HERC3: variants seen among roughly 807,000 people sequenced by gnomAD.
HERC3 encodes HECT and RLD domain containing E3 ubiquitin protein ligase 3, also known as probable E3 ubiquitin-protein ligase HERC3.
Under a neutral mutation model 129.9 loss-of-function variants are expected in HERC3, and 58 were observed. That is an observed-to-expected ratio of 0.45 (90% CI 0.36 to 0.56). The LOEUF (loss-of-function observed/expected upper bound fraction) is 0.56. HERC3 is among the 20% of genes least tolerant of loss of function. HERC3 has a pLI of 0.00. For synonymous variants in HERC3, 430 were observed against 451.0 expected, an observed-to-expected ratio of 0.95 and a Z score of 0.59; for missense variants, 835 against 1,244.2, an observed-to-expected ratio of 0.67 and a Z score of 4.95.
chr4:88,644,957 A>G (rs1728532896), intron 3 of HERC3, among the ~76,000 whole-genome samples: 1 of 152,056 alleles, frequency 6.6e-6, no homozygotes, highest in Admixed American at 6.6e-5. Flanking sequence ...AGGGAAAGAG[A>G]CTTAGTCATG....
intron 23 of HERC3, among the ~76,000 whole-genome samples, chr4:88,702,432 G>C (rs1191619169): frequency 2.0e-5 from 3 of 152,166 alleles, no homozygotes; most frequent in African/African-American, 7.2e-5. Context: ...TTTATAAGTA[G>C]CATTGTTTTA....
chr4:88,679,884 C>T (rs150745830), intron 19 of HERC3, among the ~76,000 whole-genome samples: 259 of 152,268 alleles, frequency 1.7e-3, no homozygotes, highest in African/African-American at 6.0e-3. Flanking sequence ...CTTGAAGCAC[C>T]TAGTAAAAAT....
the HERC3 span, among the ~76,000 whole-genome samples, chr4:88,538,789 C>T: frequency 2.6e-5 from 4 of 151,980 alleles, no homozygotes; most frequent in Non-Finnish European, 2.9e-5. Context: ...GTGATCTGCC[C>T]GCCTCGGCCT....
In HERC3 at chr4:88,680,177, C is replaced by A; in HGVS notation, c.2281C>A (p.Pro761Thr). The change falls in exon 20 of 26, where the codon CCC (proline) becomes ACC (threonine). Residue 761 changes from proline (P) to threonine (T), a missense_variant. By Grantham distance (38) the Pro-to-Thr change is conservative (BLOSUM62 -1). Coordinates refer to ENST00000402738, the MANE Select transcript of HERC3 (RefSeq NM_014606.3). ...TTTGCTGTTAAAAGAACTTTTGAAT[C>A]CCATCTATGGAATGTTTACCTACTA... Reference protein sequence around the residue: ...FLLLLKELLNPIYGMFTYYQD... With the variant: ...FLLLLKELLNTIYGMFTYYQD... The A allele has an allele frequency of 6.2e-7, 1 of 1,612,690 alleles. No homozygotes were observed. The highest frequency in any genetic ancestry group is 8.5e-7 in the Non-Finnish European group (1 of 1,179,202).
chr4:88,643,674 C>T (rs988735113), intron 3 of HERC3, among the ~76,000 whole-genome samples: 1 of 152,216 alleles, frequency 6.6e-6, no homozygotes, highest in Middle Eastern at 3.4e-3. Context: ...TAGTGGAACA[C>T]TTGGACATTC....
At chr4:88,670,794 A>G (rs1049103152) in intron 16 of HERC3, among the ~76,000 whole-genome samples, 6 of 152,138 alleles carry the variant, frequency 3.9e-5, no homozygotes, top group African/African-American at 1.4e-4. Context: ...AGATCTGGCA[A>G]CACGACCTGT....
chr4:88,635,159 A>G (rs1436639341), intron 3 of HERC3, among the ~76,000 whole-genome samples: 1 of 152,112 alleles, frequency 6.6e-6, no homozygotes, highest in Non-Finnish European at 1.5e-5. Flanking sequence ...GAGATGGATG[A>G]ATTGACAAAA....
intron 6 of HERC3, among the ~76,000 whole-genome samples, chr4:88,653,511 A>G (rs3017922): frequency 0.35 from 53,228 of 152,042 alleles, 10,608 homozygotes; most frequent in African/African-American, 0.52. Flanking sequence ...AGGTCAGAGA[A>G]GTCGTGTAGA....
intron 3 of HERC3, among the ~76,000 whole-genome samples, chr4:88,623,925 T>G (rs191167167): frequency 6.6e-6 from 1 of 152,332 alleles, no homozygotes; most frequent in Non-Finnish European, 1.5e-5. Context: ...CCCCCAAAAC[T>G]TCTCATTTCC....
chr4:88,545,430 C>CCTTTTTTTTTTTTTTTT, the HERC3 span, among the ~76,000 whole-genome samples: 106 of 110,380 alleles, frequency 9.6e-4, 5 homozygotes, highest in East Asian at 2.4e-3. Context: ...TTTGAGAATT[C>CCTTTTTTTTTTTTTTTT]TTTTTTTTTT....
In HERC3 at chr4:88,670,120, G is replaced by C. The variant is rs751215495; in HGVS notation, c.1798-19G>C. ...CTGGGAAGCCATGTTTCAGTTGTCT[G>C]TATTTTGTTCTTCATTAGGTAAATC... On this transcript the variant is annotated intron_variant, in intron 15 of 25. Transcript: ENST00000402738. 7 of 1,604,068 alleles carry C rather than the reference G, an allele frequency of 4.4e-6. No individual in the cohort carries two copies. In the East Asian group the frequency reaches 1.6e-4, roughly 36 times the overall value.
intron 14 of HERC3, among the ~76,000 whole-genome samples, chr4:88,669,320 T>G (rs1578279698): frequency 6.6e-6 from 1 of 152,212 alleles, no homozygotes; most frequent in East Asian, 1.9e-4. Context: ...TCCAACGAAG[T>G]ATAAGCCAGT....
At chr4:88,573,636 T>C in the HERC3 span, among the ~76,000 whole-genome samples, 1 of 152,210 alleles carries the variant, frequency 6.6e-6, no homozygotes, top group African/African-American at 2.4e-5. Context: ...TACAGATTCA[T>C]TGACGGTCCC....
At chr4:88,532,017 AT>A in the HERC3 span, among the ~76,000 whole-genome samples, 12 of 152,202 alleles carry the variant, frequency 7.9e-5, no homozygotes, top group Admixed American at 1.3e-4. Flanking sequence ...AGTTCTGTAT[AT>A]TAAATTCCTA....
chr4:88,691,489 C>T (rs549323856), intron 23 of HERC3, among the ~76,000 whole-genome samples: 22 of 152,326 alleles, frequency 1.4e-4, no homozygotes, highest in South Asian at 4.1e-4. Context: ...CCTTCTTCCA[C>T]GTTGCAGACT....
At chr4:88,533,831 C>T in the HERC3 span, among the ~76,000 whole-genome samples, 1 of 152,164 alleles carries the variant, frequency 6.6e-6, no homozygotes, top group East Asian at 1.9e-4. Flanking sequence ...ATAAAACTTT[C>T]TTCTTTATCG....
At chr4:88,592,881 GCCTCCCGCCCGCGCTCGGCCGC>G (rs1387541458) in intron 1 of HERC3, among the ~76,000 whole-genome samples, 4 of 152,140 alleles carry the variant, frequency 2.6e-5, no homozygotes, top group East Asian at 3.9e-4. Flanking sequence ...AAATGGGAGC[GCCTCCCGCCCGCGCTCGGCCGC>G]CCTCCCGCCC....
chr4:88,674,783 A>T (rs902919199), intron 16 of HERC3, among the ~76,000 whole-genome samples: 1 of 152,146 alleles, frequency 6.6e-6, no homozygotes, highest in Admixed American at 6.5e-5. Flanking sequence ...TATATGCAGG[A>T]TTTCATACCT....
intron 3 of HERC3, among the ~76,000 whole-genome samples, chr4:88,618,984 G>C (rs2149218112): frequency 6.6e-6 from 1 of 152,050 alleles, no homozygotes; most frequent in Admixed American, 6.5e-5. Flanking sequence ...CCAGCCAGGG[G>C]AGCTGTAGTG....
Sources: gnomAD v4.1 joint callset for allele counts (sites outside exome capture counted in the v4.1 genomes callset) on GRCh38, gnomAD v4.1.1 for gene constraint, MANE v1.5 for transcripts, NCBI Gene and HGNC (gene_info 2026-07-23, HGNC 2026-07-21) for gene names.